Variants in LUC7L2 observed in about 807,000 individuals in gnomAD.
LUC7L2 encodes the protein putative RNA-binding protein Luc7-like 2.
LUC7L2 carries 25 observed loss-of-function variants against 52.8 expected under a neutral mutation model. The observed-to-expected ratio is 0.47, with a 90% CI of 0.34 to 0.66. The LOEUF (loss-of-function observed/expected upper bound fraction) is 0.66, where lower values mean the gene tolerates loss of function less well. Among genes scored for constraint, LUC7L2 ranks in the 30% least tolerant of loss-of-function variants. The pLI is 0.01. For missense variants in LUC7L2, 328 were observed against 497.8 expected (o/e 0.66, Z 3.25); for synonymous variants, 144 against 160.9 (o/e 0.89, Z 0.80).
At chr7:139,379,549 C>G (rs1387332535) in intron 2 of LUC7L2, among the ~76,000 whole-genome samples, 3 of 52,684 alleles carry the variant, frequency 5.7e-5, no homozygotes, top group Non-Finnish European at 9.5e-5. Flanking sequence ...ATAACTAATG[C>G]TTTTTTTTTT....
rs902066641 is a variant in LUC7L2 at position 139,417,475 on chromosome 7, C to T, written c.810-63C>T. ...AAAAAGTTTCTCTTTAAAGAAAAGG[C>T]TTTAATAAATGAGAAATATAGTAAT... is the stretch of plus-strand genomic sequence containing the variant. On this transcript the variant is annotated intron_variant, in intron 8 of 9. Coordinates refer to ENST00000354926, the MANE Select transcript of LUC7L2 (RefSeq NM_016019.5). 7.1e-6 allele frequency: 11 copies of T among 1,548,936 alleles called. No individual in the cohort carries two copies. In the Admixed American group the frequency reaches 1.2e-4, roughly 17 times the overall value.
rs567996538 is a variant in LUC7L2, at chr7:139,382,929, A to G, written c.156+6773A>G. 2.1e-3 allele frequency among the ~76,000 whole-genome samples: 314 copies of G among 151,686 alleles called. 4 individuals carry two copies. Among genetic ancestry groups the G allele is most frequent in the African/African-American group, 7.3e-3 (303 of 41,360 alleles). Reference sequence around the variant, plus strand: ...AAACCCAAACTTTAAAAACTGCTGAAGTATCTTTTTTTTTTTGGAGGAGTC... The same window carrying G: ...AAACCCAAACTTTAAAAACTGCTGAGGTATCTTTTTTTTTTTGGAGGAGTC... On this transcript the variant is annotated intron_variant, in intron 2 of 9. Transcript: ENST00000354926.
At chr7:139,419,066 C>A (rs1795759868) in intron 9 of LUC7L2, among the ~76,000 whole-genome samples, 1 of 151,522 alleles carries the variant, frequency 6.6e-6, no homozygotes, top group Non-Finnish European at 1.5e-5. Flanking sequence ...GCCAAGATCG[C>A]ACCACTGCAC....
At chr7:139,408,616 G>A (rs564320273) in intron 6 of LUC7L2, among the ~76,000 whole-genome samples, 7 of 152,168 alleles carry the variant, frequency 4.6e-5, no homozygotes, top group Admixed American at 2.6e-4. Flanking sequence ...GGCCAAGGCG[G>A]GCGGATCACA....
chr7:139,384,300 A>G (rs532808225), intron 2 of LUC7L2, among the ~76,000 whole-genome samples: 2 of 151,618 alleles, frequency 1.3e-5, no homozygotes, highest in South Asian at 4.2e-4. Flanking sequence ...TATATTTCAT[A>G]TATACTCCAG....
chr7:139,403,180 G>A (rs1462831644), intron 4 of LUC7L2, among the ~76,000 whole-genome samples: 1 of 152,124 alleles, frequency 6.6e-6, no homozygotes, highest in African/African-American at 2.4e-5. Context: ...AATGTTAAAT[G>A]TCAATATTTC....
chr7:139,418,842 G>C (rs1455064565), intron 9 of LUC7L2, among the ~76,000 whole-genome samples: 1 of 152,074 alleles, frequency 6.6e-6, no homozygotes, highest in Non-Finnish European at 1.5e-5. Context: ...GTGAGGCTGG[G>C]TGCCATGGCT....
chr7:139,417,495 A>G (rs1304710167), intron 8 of LUC7L2, 43 bp from the exon 9 acceptor site: 1 of 1,584,298 alleles, frequency 6.3e-7, no homozygotes, highest in African/African-American at 1.4e-5. Context: ...TGAGAAATAT[A>G]GTAATTACAA....
chr7:139,415,691 C>T (rs1007715951), intron 8 of LUC7L2, among the ~76,000 whole-genome samples: 4 of 150,208 alleles, frequency 2.7e-5, no homozygotes, highest in African/African-American at 9.8e-5. Context: ...TACGGGGTCT[C>T]CCTATGTTGC....
chr7:139,412,583 A>G lies in LUC7L2; in HGVS notation c.809+3A>G, dbSNP rs1409663634. On this transcript the variant is annotated splice_donor_region_variant and intron_variant, in intron 8 of 9. Coordinates refer to ENST00000354926, the MANE Select transcript of LUC7L2 (RefSeq NM_016019.5). ...TCACACAGCAAGAATCCAAAAAGGT[A>G]GGTGTATTACATAAGACAGGTATAA... is the stretch of plus-strand genomic sequence containing the variant. 1.2e-6 allele frequency: 2 copies of G among 1,605,858 alleles called. No individual in the cohort carries two copies. Among genetic ancestry groups the G allele is most frequent in the Admixed American group, 1.7e-5 (1 of 58,460 alleles).
At chr7:139,409,072 G>C (rs1795239831) in intron 6 of LUC7L2, among the ~76,000 whole-genome samples, 1 of 152,030 alleles carries the variant, frequency 6.6e-6, no homozygotes, top group Non-Finnish European at 1.5e-5. Context: ...GGCAGGTGGA[G>C]GTTGCAGTGA....
chr7:139,366,869 T>C (rs1317988263), intron 1 of LUC7L2, among the ~76,000 whole-genome samples: 1 of 152,240 alleles, frequency 6.6e-6, no homozygotes. Context: ...AATCCATGTT[T>C]TTAGAAACCT....
At chr7:139,366,572 A>G (rs1024871071) in intron 1 of LUC7L2, among the ~76,000 whole-genome samples, 3 of 152,202 alleles carry the variant, frequency 2.0e-5, no homozygotes, top group African/African-American at 7.2e-5. Context: ...ATAAAGTTTT[A>G]TTGGAACACA....
Position 139,360,067 on chromosome 7 carries a change from C to A in LUC7L2, c.-195C>A. On this transcript the variant is annotated 5_prime_UTR_variant, in exon 1 of 10. Coordinates refer to ENST00000354926, the MANE Select transcript of LUC7L2 (RefSeq NM_016019.5). ...GGTCGCTGTCGGGGGCTGTCGTCTT[C>A]CACGTACACGTCGTCGTGAGGAGCG... 1 of 551,912 alleles carries A rather than the reference C, an allele frequency of 1.8e-6. No homozygotes were observed. The highest frequency in any genetic ancestry group is 3.2e-6 in the Non-Finnish European group (1 of 312,946). 34.2% of individuals were successfully genotyped at this position (551,912 alleles called of 1,614,324 possible).
intron 2 of LUC7L2, among the ~76,000 whole-genome samples, chr7:139,397,639 T>G (rs1247896532): frequency 1.3e-5 from 2 of 152,240 alleles, no homozygotes; most frequent in Non-Finnish European, 2.9e-5. Flanking sequence ...CACCGATTAA[T>G]CATACCTGTA....
At chr7:139,341,403 C>T (rs764543305) in intron 1 of LUC7L2, 4 of 1,613,330 alleles carry the variant, frequency 2.5e-6, no homozygotes, top group South Asian at 2.2e-5. Flanking sequence ...CTTAGGGTCC[C>T]CGTCGCACAC....
rs185779182 is a variant in LUC7L2, at chr7:139,409,600, A to G, written c.725A>G (p.Glu242Gly). ...GAGAAGCAGGAGAAAAGAAACCAGG[A>G]ACGGCTGAAACGAAGAGAAGAGAGA... ...VAEKQEKRNQ[E>G]RLKRREERER... Residue 242 changes from glutamate to glycine, a missense_variant, in exon 7 of 10, where the codon GAA becomes GGA. This residue lies in a region of LUC7L2 where 195 missense variants were observed against 223.3 expected (regional missense o/e 0.87). Transcript: ENST00000354926. 5.0e-6 allele frequency: 8 copies of G among 1,611,564 alleles called. No individual in the cohort carries two copies. The Admixed American group carries it at 5.0e-5, about 10-fold the overall frequency.
intron 3 of LUC7L2, among the ~76,000 whole-genome samples, chr7:139,400,743 C>T (rs954219589): frequency 2.0e-5 from 3 of 152,090 alleles, no homozygotes; most frequent in Admixed American, 2.0e-4. Flanking sequence ...CTGATTAGTC[C>T]ATCTTTTCTC....
chr7:139,389,875 A>AAT (rs2131254587), intron 2 of LUC7L2, among the ~76,000 whole-genome samples: 1 of 152,300 alleles, frequency 6.6e-6, no homozygotes, highest in South Asian at 2.1e-4. Context: ...GCTTTTATAA[A>AAT]CATCTTACTT....
Sources: allele counts gnomAD v4.1 joint callset (sites outside exome capture counted in the v4.1 genomes callset), GRCh38; gene constraint gnomAD v4.1.1; regional missense constraint gnomAD v4.1.1; transcripts MANE v1.5; gene names NCBI Gene and HGNC (gene_info 2026-07-23, HGNC 2026-07-21).